Variants in MRFAP1L2 observed in about 807,000 individuals in gnomAD.
MRFAP1L2 encodes MORF4 family-associated protein 1-like protein UPP.
At chr4:6,674,756 TG>T in the MRFAP1L2 span, 1 of 506,034 alleles carries the variant, frequency 2.0e-6, no homozygotes, top group African/African-American at 2.0e-5. Flanking sequence ...TCATGACCAC[TG>T]GAAGTATTTT....
At chr4:6,674,820 A>C in the MRFAP1L2 span, 6 of 443,708 alleles carry the variant, frequency 1.4e-5, no homozygotes. Context: ...TGTGAAGCGG[A>C]GGTACATGCT....
chr4:6,674,352 G>A, the MRFAP1L2 span: 3 of 636,046 alleles, frequency 4.7e-6, no homozygotes, highest in South Asian at 4.9e-5. Context: ...CGGGCCCGCA[G>A]GAAGCTGCTG....
At chr4:6,674,936 G>A in the MRFAP1L2 span, 3 of 196,698 alleles carry the variant, frequency 1.5e-5, no homozygotes, top group African/African-American at 7.0e-5. Flanking sequence ...CCGGATATGA[G>A]AATATCAAGC....
At chr4:6,674,694 T>G in the MRFAP1L2 span, 1 of 525,392 alleles carries the variant, frequency 1.9e-6, no homozygotes, top group Non-Finnish European at 3.3e-6. Context: ...TTGGTTTCAT[T>G]CTTTTTTCAT....
the MRFAP1L2 span, chr4:6,674,414 C>T: frequency 3.1e-6 from 2 of 653,386 alleles, no homozygotes; most frequent in Non-Finnish European, 5.5e-6. Flanking sequence ...GGCAGAGGAG[C>T]GGGGCGCCCG....
At chr4:6,674,523 GGCGGATCGTGGAGCTGCACCA>G in the MRFAP1L2 span, 4 of 670,916 alleles carry the variant, frequency 6.0e-6, no homozygotes, top group East Asian at 9.2e-5. Context: ...CGGATGGGCA[GGCGGATCGTGGAGCTGCACCA>G]GCGGATCGCC....
the MRFAP1L2 span, chr4:6,675,857 T>A: frequency 2.0e-5 from 3 of 152,352 alleles, no homozygotes; most frequent in Admixed American, 2.0e-4. Context: ...CAGGCTTAGA[T>A]GATGACTAGC....
At chr4:6,674,518 G>T in the MRFAP1L2 span, 81 of 670,790 alleles carry the variant, frequency 1.2e-4, no homozygotes, top group Non-Finnish European at 1.5e-4. Flanking sequence ...CGGCGCGGAT[G>T]GGCAGGCGGA....
At chr4:6,675,247 A>G in the MRFAP1L2 span, 1 of 152,280 alleles carries the variant, frequency 6.6e-6, no homozygotes, top group African/African-American at 2.4e-5. Context: ...AATATGGCCT[A>G]TACAGTACGT....
chr4:6,674,207 G>A, the MRFAP1L2 span: 8 of 395,722 alleles, frequency 2.0e-5, no homozygotes, highest in South Asian at 7.0e-4. Flanking sequence ...AAGAGGCGGC[G>A]GCGTGATGCG....
the MRFAP1L2 span, chr4:6,674,894 A>G: frequency 1.7e-5 from 5 of 289,840 alleles, no homozygotes; most frequent in Non-Finnish European, 2.6e-5. Context: ...AGGTGGAAGC[A>G]TTGTGCACAG....
At chr4:6,674,596 G>C in the MRFAP1L2 span, 2 of 610,402 alleles carry the variant, frequency 3.3e-6, no homozygotes, top group East Asian at 3.3e-5. Context: ...CGCGGGTCTG[G>C]AGCGGAGCGC....
At chr4:6,674,109 G>A in the MRFAP1L2 span, 16 of 382,986 alleles carry the variant, frequency 4.2e-5, no homozygotes, top group Middle Eastern at 1.3e-3. Flanking sequence ...GGAAAGTTGG[G>A]GCAACCTGTT....
the MRFAP1L2 span, chr4:6,674,087 C>T: frequency 1.0e-5 from 4 of 387,290 alleles, no homozygotes; most frequent in South Asian, 2.9e-4. Flanking sequence ...TTTTGGATAC[C>T]GTCCTCGCTG....
chr4:6,674,096 T>C, the MRFAP1L2 span: 1 of 384,812 alleles, frequency 2.6e-6, no homozygotes, highest in Non-Finnish European at 4.6e-6. Context: ...CCGTCCTCGC[T>C]GCGGAAAGTT....
chr4:6,675,094 C>G, the MRFAP1L2 span: 1 of 152,378 alleles, frequency 6.6e-6, no homozygotes, highest in Non-Finnish European at 1.5e-5. Flanking sequence ...GTTTTTCTGC[C>G]TGCGTTTTCT....
chr4:6,674,716 GAAAAT>G, the MRFAP1L2 span: 1 of 524,304 alleles, frequency 1.9e-6, no homozygotes, highest in South Asian at 2.4e-5. Context: ...GGTAATTAGA[GAAAAT>G]AATTTGATAT....
chr4:6,675,623 A>G, the MRFAP1L2 span: 1 of 152,180 alleles, frequency 6.6e-6, no homozygotes, highest in Non-Finnish European at 1.5e-5. Context: ...TTTTCTTGGA[A>G]TGTAATTTTC....
At chr4:6,674,508 C>A in the MRFAP1L2 span, 7 of 670,878 alleles carry the variant, frequency 1.0e-5, 1 homozygote, top group South Asian at 1.1e-4. Context: ...GCTGCGGAGG[C>A]GGCGCGGATG....
Sources: allele counts gnomAD v4.1 joint callset, GRCh38; gene constraint gnomAD v4.1.1; transcripts MANE v1.5; gene names NCBI Gene and HGNC (gene_info 2026-07-23, HGNC 2026-07-21).